The following OTUD7A variants were observed in gnomAD, a reference collection of about 807,000 sequenced individuals.
OTUD7A encodes the protein OTU deubiquitinase 7A, also known as OTU domain-containing protein 7A.
OTUD7A carries 12 observed loss-of-function variants against 65.7 expected under a neutral mutation model. That is an observed-to-expected ratio of 0.18 (90% CI 0.12 to 0.30). OTUD7A has a LOEUF of 0.30. Ranked by LOEUF, OTUD7A falls within the 10% of genes least tolerant of loss-of-function variation. The pLI is 1.00. For synonymous variants in OTUD7A, 641 were observed against 586.3 expected (o/e 1.09, Z -1.35); for missense variants, 1,148 against 1,304.8 (o/e 0.88, Z 1.85).
At chr15:31,792,863 C>A (rs79416047) in intron 1 of OTUD7A, among the ~76,000 whole-genome samples, 46 of 152,272 alleles carry the variant, frequency 3.0e-4, no homozygotes, top group African/African-American at 1.1e-3. Flanking sequence ...CTGTGCAGAC[C>A]CCAGGGTGGG....
rs1043066542 is a variant in OTUD7A, at chr15:31,486,690, C to A, written c.1371+504G>T. 1.1e-4 allele frequency among the ~76,000 whole-genome samples: 16 copies of A among 152,256 alleles called. 1 individual carries two copies. The highest frequency in any genetic ancestry group is 2.0e-4 in the Admixed American group (3 of 15,294). Reference sequence around the variant, plus strand: ...CCAGCTCCACCCACCAGTGTGCTGCCTCTGGGAGGGGAGGAAGGGGGCGCC... The same window carrying A: ...CCAGCTCCACCCACCAGTGTGCTGCATCTGGGAGGGGAGGAAGGGGGCGCC... On this transcript the variant is annotated intron_variant, in intron 12 of 12. Coordinates refer to ENST00000307050, the MANE Select transcript of OTUD7A (RefSeq NM_001382637.1).
intron 1 of OTUD7A, among the ~76,000 whole-genome samples, chr15:31,773,095 C>T (rs1281432851): frequency 6.6e-6 from 1 of 152,096 alleles, no homozygotes; most frequent in African/African-American, 2.4e-5. Flanking sequence ...AATATAAATT[C>T]TATAAACATT....
At chr15:31,778,239 G>A (rs187774058) in intron 1 of OTUD7A, among the ~76,000 whole-genome samples, 375 of 152,238 alleles carry the variant, frequency 2.5e-3, no homozygotes, top group African/African-American at 8.5e-3. Context: ...CAGGAATTCC[G>A]GGGGTCAGCA....
chr15:31,509,039 G>A (rs1044002069), intron 8 of OTUD7A, among the ~76,000 whole-genome samples: 1 of 152,104 alleles, frequency 6.6e-6, no homozygotes, highest in East Asian at 1.9e-4. Flanking sequence ...TGCTATTAAT[G>A]TTAAACTTTA....
At chr15:31,626,491 G>A (rs184870903) in intron 3 of OTUD7A, among the ~76,000 whole-genome samples, 4 of 152,190 alleles carry the variant, frequency 2.6e-5, no homozygotes, top group Admixed American at 2.6e-4. Context: ...TGAGAGTGGT[G>A]GGTTCTGTGT....
intron 1 of OTUD7A, among the ~76,000 whole-genome samples, chr15:31,698,518 G>A: frequency 6.6e-6 from 1 of 152,174 alleles, no homozygotes; most frequent in Non-Finnish European, 1.5e-5. Flanking sequence ...TAGACCTGCT[G>A]AGTTGGAAGT....
rs2041189131 is a variant in OTUD7A, at chr15:31,484,020, G to GGCGGCGGCAGCGGCGGCCGCAGTA, written c.2052_2075dup (p.Thr685_Ala692dup). On this transcript the variant is annotated inframe_insertion, in exon 13 of 13. Transcript: ENST00000307050. This position sits in a 1 kb window ranked among gnomAD's most constrained non-coding sequence, Gnocchi z 4.5. Reference sequence around the variant, plus strand: ...GCCGCTTGGCCGTGGCGGCGGCGGCGGCGGCGGCAGCGGCGGCCGCAGTAG... The same window carrying GGCGGCGGCAGCGGCGGCCGCAGTA: ...GCCGCTTGGCCGTGGCGGCGGCGGCGGCGGCGGCAGCGGCGGCCGCAGTAGCGGCGGCAGCGGCGGCCGCAGTAG... 1 of 1,221,486 alleles carries GGCGGCGGCAGCGGCGGCCGCAGTA rather than the reference G, an allele frequency of 8.2e-7. No individual in the cohort carries two copies. The highest frequency in any genetic ancestry group is 1.0e-6 in the Non-Finnish European group (1 of 983,696). The allele number at this position is 1,221,486 out of a possible 1,614,324, so 75.7% of individuals were successfully genotyped here. A position where few individuals can be genotyped will look rare whatever the true frequency, so the allele number is the denominator to read the frequency against.
At chr15:31,655,925 A>C (rs1459436110) in intron 2 of OTUD7A, among the ~76,000 whole-genome samples, 2 of 152,152 alleles carry the variant, frequency 1.3e-5, no homozygotes, top group Non-Finnish European at 2.9e-5. Flanking sequence ...TACCCACTCT[A>C]TTCCAATTAT....
intron 8 of OTUD7A, among the ~76,000 whole-genome samples, chr15:31,525,447 G>C (rs1466845094): frequency 2.6e-5 from 4 of 152,208 alleles, no homozygotes; most frequent in African/African-American, 9.6e-5. Flanking sequence ...GCAGCTCTGT[G>C]GGAGCCTCTT....
intron 5 of OTUD7A, among the ~76,000 whole-genome samples, chr15:31,543,916 A>C (rs1228725228): frequency 1.3e-5 from 2 of 151,890 alleles, no homozygotes; most frequent in African/African-American, 4.8e-5. Flanking sequence ...AATACAATGC[A>C]GCCAAAACAG....
At chr15:31,805,629 C>T (rs1014468224) in intron 1 of OTUD7A, among the ~76,000 whole-genome samples, 22 of 152,224 alleles carry the variant, frequency 1.4e-4, no homozygotes, top group African/African-American at 4.6e-4. Flanking sequence ...CTAAGACCCA[C>T]TGACATCACA....
chr15:31,527,671 A>G (rs1252020166), intron 6 of OTUD7A, among the ~76,000 whole-genome samples: 1 of 152,226 alleles, frequency 6.6e-6, no homozygotes, highest in Non-Finnish European at 1.5e-5. Context: ...GGACAGGGAC[A>G]GGCTGTCCAG....
In OTUD7A at chr15:31,483,497, C is replaced by T; in HGVS notation, c.2599G>A (p.Asp867Asn). The change falls in exon 13 of 13, where the codon GAC becomes AAC. Residue 867 changes from aspartate to asparagine, a missense_variant. Physicochemically the swap from Asp to Asn is conservative, Grantham distance 23. This residue lies in a region of OTUD7A where 842 missense variants were observed against 769.5 expected (regional missense o/e 1.09). Coordinates refer to ENST00000307050, the MANE Select transcript of OTUD7A (RefSeq NM_001382637.1). Reference protein sequence around the residue: ...TYTNGFGALRDGLEFADADAP... With the variant: ...TYTNGFGALRNGLEFADADAP... The stretch of plus-strand genomic sequence containing the variant: ...TCGGCGTCGGCGAACTCCAGGCCGT[C>T]GCGCAGGGCGCCGAAGCCGTTGGTG... 2 of 1,395,700 alleles carry T rather than the reference C, an allele frequency of 1.4e-6. No individual in the cohort carries two copies. Among genetic ancestry groups the T allele is most frequent in the Non-Finnish European group, 1.9e-6 (2 of 1,072,912 alleles). 86.5% of individuals were successfully genotyped at this position (1,395,700 alleles called of 1,614,324 possible).
At chr15:31,607,269 C>T (rs2141218088) in intron 3 of OTUD7A, among the ~76,000 whole-genome samples, 1 of 152,268 alleles carries the variant, frequency 6.6e-6, no homozygotes, top group East Asian at 1.9e-4. Context: ...GAAACTAGTA[C>T]TCAGGGCCCT....
At chr15:31,814,817 C>A (rs1180817277) in intron 1 of OTUD7A, among the ~76,000 whole-genome samples, 1 of 152,084 alleles carries the variant, frequency 6.6e-6, no homozygotes, top group African/African-American at 2.4e-5. Flanking sequence ...AGCCACTGGG[C>A]CCAGCCTAAA....
chr15:31,541,957 G>A (rs1480521401), intron 5 of OTUD7A, among the ~76,000 whole-genome samples: 1 of 152,200 alleles, frequency 6.6e-6, no homozygotes, highest in Non-Finnish European at 1.5e-5. Flanking sequence ...AATGTTGACT[G>A]TCATGAAGAC....
At chr15:31,577,775 G>A (rs186681514) in intron 3 of OTUD7A, among the ~76,000 whole-genome samples, 1 of 148,032 alleles carries the variant, frequency 6.8e-6, no homozygotes, top group Admixed American at 6.8e-5. Flanking sequence ...GAGACTTAAT[G>A]TTGTAATTTA....
At chr15:31,547,051 T>C (rs770368050) in intron 5 of OTUD7A, among the ~76,000 whole-genome samples, 1 of 113,950 alleles carries the variant, frequency 8.8e-6, no homozygotes, top group East Asian at 3.3e-4. Context: ...ATTAAAACAA[T>C]GAAAGGGTAA....
chr15:31,597,243 T>C (rs1375204667), intron 3 of OTUD7A, among the ~76,000 whole-genome samples: 1 of 152,316 alleles, frequency 6.6e-6, no homozygotes, highest in South Asian at 2.1e-4. Flanking sequence ...ATTTTAAGTG[T>C]CTTTTGATGA....
Sources: gnomAD v4.1 joint callset for allele counts (sites outside exome capture counted in the v4.1 genomes callset) on GRCh38, gnomAD v4.1.1 for gene constraint, gnomAD v4.1.1 regional missense constraint, Gnocchi (gnomAD v3.1) non-coding constraint, MANE v1.5 for transcripts, NCBI Gene and HGNC (gene_info 2026-07-23, HGNC 2026-07-21) for gene names.